The following FTO variants were observed in gnomAD, a reference collection of about 807,000 sequenced individuals.
FTO encodes FTO alpha-ketoglutarate dependent dioxygenase.
FTO carries 47 observed loss-of-function variants against 63.9 expected under a neutral mutation model. That is an observed-to-expected ratio of 0.74 (90% confidence interval 0.58 to 0.94). FTO has a LOEUF of 0.94. FTO is among the 40% of genes least tolerant of loss of function. The pLI, the probability that FTO is intolerant of heterozygous loss-of-function variation, is 0.00. For synonymous variants in FTO, 207 were observed against 224.4 expected, an observed-to-expected ratio of 0.92 and a Z score of 0.69; for missense variants, 562 against 618.1, an observed-to-expected ratio of 0.91 and a Z score of 0.96.
intron 4 of FTO, among the ~76,000 whole-genome samples, chr16:53,865,897 C>T (rs1239994705): frequency 6.6e-6 from 1 of 152,134 alleles, no homozygotes. Flanking sequence ...GTTTTCTTTT[C>T]CTGTCTTACT....
intron 1 of FTO, among the ~76,000 whole-genome samples, chr16:53,720,665 A>G (rs1485821418): frequency 6.8e-6 from 1 of 147,884 alleles, no homozygotes; most frequent in East Asian, 2.0e-4. Flanking sequence ...TCTTTTATAT[A>G]TATATAAAAG....
intron 8 of FTO, among the ~76,000 whole-genome samples, chr16:53,974,170 A>C (rs968103639): frequency 6.6e-6 from 1 of 152,154 alleles, no homozygotes; most frequent in Non-Finnish European, 1.5e-5. Flanking sequence ...ACTTGCGGTG[A>C]GACCTCAGAC....
At chr16:53,745,045 TA>T (rs2076618403) in intron 1 of FTO, among the ~76,000 whole-genome samples, 2 of 152,200 alleles carry the variant, frequency 1.3e-5, no homozygotes, top group African/African-American at 4.8e-5. Flanking sequence ...ATTTTCAACA[TA>T]AGAACTGTAG....
chr16:53,799,673 C>G (rs1183059206), intron 1 of FTO, among the ~76,000 whole-genome samples: 3 of 152,172 alleles, frequency 2.0e-5, no homozygotes, highest in Admixed American at 2.0e-4. Context: ...TGAGCTACAT[C>G]TCCTACTTAG....
chr16:54,110,454 A>T lies in FTO; in HGVS notation c.1365-1308A>T, dbSNP rs116941827. Reference sequence around the variant, plus strand: ...GCCGGATGCAGAGAGCTGAAGATATATTAGAATGTTATGTGTAATGTACGA... The same window carrying T: ...GCCGGATGCAGAGAGCTGAAGATATTTTAGAATGTTATGTGTAATGTACGA... On this transcript the variant is annotated intron_variant, in intron 8 of 8. Transcript: ENST00000471389. 3.2e-4 allele frequency among the ~76,000 whole-genome samples: 48 copies of T among 152,304 alleles called. 2 individuals carry two copies. The East Asian group carries it at 9.3e-3, about 29-fold the overall frequency.
At chr16:54,038,139 A>T (rs2084987428) in intron 8 of FTO, among the ~76,000 whole-genome samples, 1 of 152,190 alleles carries the variant, frequency 6.6e-6, no homozygotes, top group South Asian at 2.1e-4. Context: ...AAGCTGCATT[A>T]AATTATGATC....
chr16:53,832,027 C>T (rs549929844), intron 3 of FTO, among the ~76,000 whole-genome samples: 1 of 152,086 alleles, frequency 6.6e-6, no homozygotes, highest in South Asian at 2.1e-4. Context: ...CAGAGGTGAC[C>T]AAAGTAATCC....
chr16:53,904,029 A>G (rs1043083819), intron 7 of FTO, among the ~76,000 whole-genome samples: 3 of 151,738 alleles, frequency 2.0e-5, no homozygotes, highest in Non-Finnish European at 4.4e-5. Flanking sequence ...AACATAGACA[A>G]TATACATATA....
intron 3 of FTO, among the ~76,000 whole-genome samples, chr16:53,841,508 G>A (rs2079476474): frequency 6.6e-6 from 1 of 152,182 alleles, no homozygotes; most frequent in Non-Finnish European, 1.5e-5. Flanking sequence ...AAAGTCAGAT[G>A]TATCCTTAAA....
At chr16:54,054,166 G>A (rs1257512350) in intron 8 of FTO, among the ~76,000 whole-genome samples, 2 of 152,036 alleles carry the variant, frequency 1.3e-5, no homozygotes, top group Non-Finnish European at 1.5e-5. Context: ...ATTCCTTAGC[G>A]GCAACTCTGA....
chr16:53,783,413 C>T (rs2077638732), intron 1 of FTO, among the ~76,000 whole-genome samples: 1 of 151,894 alleles, frequency 6.6e-6, no homozygotes, highest in South Asian at 2.1e-4. Context: ...CGAGGCCATC[C>T]TGGCTAACAC....
intron 1 of FTO, among the ~76,000 whole-genome samples, chr16:53,722,678 A>G (rs2076066412): frequency 6.6e-6 from 1 of 152,044 alleles, no homozygotes; most frequent in African/African-American, 2.4e-5. Context: ...GATACAAAAA[A>G]TTAGCCGGGT....
At chr16:53,948,243 A>T (rs1400457726) in intron 8 of FTO, among the ~76,000 whole-genome samples, 1 of 152,232 alleles carries the variant, frequency 6.6e-6, no homozygotes, top group Non-Finnish European at 1.5e-5. Flanking sequence ...TAGTGAATTC[A>T]TGTCCAAAGA....
At position 53,790,799 on chromosome 16, in the gene FTO, G is replaced by C. The variant is rs77126640; in HGVS notation, c.46-19341G>C. Among the ~76,000 whole-genome samples, 235 of 152,242 alleles carry C rather than the reference G, an allele frequency of 1.5e-3. 1 individual carries two copies. Among genetic ancestry groups the C allele is most frequent in the African/African-American group, 5.4e-3 (223 of 41,532 alleles). ...TTTAAGAAGATGAGATTGCCTAAAG[G>C]AAGAATGTTTTGTAGAGTTAGAAGA... On this transcript the variant is annotated intron_variant, in intron 1 of 8. Coordinates refer to ENST00000471389, the MANE Select transcript of FTO (RefSeq NM_001080432.3).
rs116721214 is a variant in FTO at position 53,902,062 on chromosome 16, G to T, written c.1239+13111G>T. Among the ~76,000 whole-genome samples the T allele has an allele frequency of 6.3e-3, 961 of 152,248 alleles. 4 individuals are homozygous for T. The highest frequency in any genetic ancestry group is 0.011 in the Non-Finnish European group (721 of 68,010). ...CCCCTAGAGAACAAATGGGCTTCAG[G>T]CTTTTTAGAATGCCTTCTTCTTTGA... On this transcript the variant is annotated intron_variant, in intron 7 of 8. Transcript: ENST00000471389.
chr16:53,860,775 A>G (rs560000963), intron 4 of FTO, among the ~76,000 whole-genome samples: 1 of 152,274 alleles, frequency 6.6e-6, no homozygotes, highest in East Asian at 1.9e-4. Flanking sequence ...ACAGTATGAC[A>G]TCAGATTTTG....
intron 8 of FTO, among the ~76,000 whole-genome samples, chr16:53,985,635 C>T (rs149397642): frequency 0.01 from 1,569 of 152,242 alleles, 31 homozygotes; most frequent in African/African-American, 0.036. Flanking sequence ...GAGGTGGCAT[C>T]GAGAAAATGA....
At chr16:53,715,004 G>A (rs553644395) in intron 1 of FTO, among the ~76,000 whole-genome samples, 9 of 152,200 alleles carry the variant, frequency 5.9e-5, no homozygotes, top group Middle Eastern at 3.4e-3. Flanking sequence ...TAATAGCAGC[G>A]GTGCCTCATA....
chr16:53,999,718 A>G (rs2084025036), intron 8 of FTO: 1 of 152,228 alleles, frequency 6.6e-6, no homozygotes, highest in African/African-American at 2.4e-5. Context: ...AGATTGTACC[A>G]TTAATTGGCT....
Sources: allele counts gnomAD v4.1 joint callset (sites outside exome capture counted in the v4.1 genomes callset), GRCh38; gene constraint gnomAD v4.1.1; transcripts MANE v1.5; gene names NCBI Gene and HGNC (gene_info 2026-07-23, HGNC 2026-07-21).